The following SOX5 variants were observed in gnomAD, a reference collection of about 807,000 sequenced individuals.
SOX5 encodes the protein transcription factor SOX-5.
SOX5 carries 9 observed loss-of-function variants against 92.0 expected under a neutral mutation model. The observed-to-expected ratio is 0.10, with a 90% CI of 0.06 to 0.17. The LOEUF (loss-of-function observed/expected upper bound fraction) is 0.17, where lower values mean the gene tolerates loss of function less well. SOX5 is among the 10% of genes least tolerant of loss of function. SOX5 has a pLI of 1.00. For synonymous variants in SOX5, 344 were observed against 336.3 expected, an observed-to-expected ratio of 1.02 and a Z score of -0.25; for missense variants, 642 against 944.5, an observed-to-expected ratio of 0.68 and a Z score of 4.20.
intron 8 of SOX5, among the ~76,000 whole-genome samples, chr12:23,606,437 T>G: frequency 6.6e-6 from 1 of 151,758 alleles, no homozygotes; most frequent in South Asian, 2.1e-4. Context: ...ATGAAATTAT[T>G]TTATAATTAC....
chr12:23,799,124 G>T (rs911103383), intron 3 of SOX5, among the ~76,000 whole-genome samples: 8 of 151,818 alleles, frequency 5.3e-5, no homozygotes, highest in Non-Finnish European at 1.2e-4. Flanking sequence ...AGAAAATAAG[G>T]GAGTATTTTG....
At chr12:24,417,726 T>A (rs575517089) in intron 1 of SOX5, among the ~76,000 whole-genome samples, 1 of 152,280 alleles carries the variant, frequency 6.6e-6, no homozygotes, top group Non-Finnish European at 1.5e-5. Context: ...AGGAATAATC[T>A]GGAAGCCTGG....
At chr12:24,315,406 A>T (rs1823900400) in intron 2 of SOX5, among the ~76,000 whole-genome samples, 1 of 152,202 alleles carries the variant, frequency 6.6e-6, no homozygotes, top group Non-Finnish European at 1.5e-5. Context: ...GAGATTAAAA[A>T]ACAAAAAGGG....
chr12:24,530,019 CAAAAAAAA>C (rs34105691), intron 1 of SOX5, among the ~76,000 whole-genome samples: 2 of 72,986 alleles, frequency 2.7e-5, no homozygotes, highest in Non-Finnish European at 5.2e-5. Context: ...GACTCCGTCT[CAAAAAAAA>C]AAAAAAAAAA....
intron 6 of SOX5, among the ~76,000 whole-genome samples, chr12:23,679,238 G>C (rs994389781): frequency 2.0e-5 from 3 of 152,024 alleles, no homozygotes; most frequent in Non-Finnish European, 4.4e-5. Flanking sequence ...TGATGCCTTG[G>C]GTCCCTCCAA....
intron 4 of SOX5, among the ~76,000 whole-genome samples, chr12:24,031,325 G>T (rs1321131746): frequency 6.6e-6 from 1 of 151,490 alleles, no homozygotes; most frequent in African/African-American, 2.4e-5. Flanking sequence ...GTAGATGAAT[G>T]GATAAAGAAA....
At chr12:23,609,695 CTTCT>C (rs149593501) in intron 8 of SOX5, among the ~76,000 whole-genome samples, 24,247 of 151,950 alleles carry the variant, frequency 0.16, 2,225 homozygotes, top group African/African-American at 0.24. Flanking sequence ...TCTTTCTTTC[CTTCT>C]TGACAAAGGA....
chr12:23,788,045 A>G (rs1381526157), intron 3 of SOX5, among the ~76,000 whole-genome samples: 1 of 151,732 alleles, frequency 6.6e-6, no homozygotes, highest in African/African-American at 2.4e-5. Context: ...TAGATATAAC[A>G]AAAAGACTAA....
intron 2 of SOX5, among the ~76,000 whole-genome samples, chr12:24,281,403 A>T (rs1945183473): frequency 6.6e-6 from 1 of 152,092 alleles, no homozygotes. Flanking sequence ...GTCCCTCAAC[A>T]CAGAATAAAT....
chr12:24,174,684 G>A (rs1283140484), intron 4 of SOX5, among the ~76,000 whole-genome samples: 1 of 152,124 alleles, frequency 6.6e-6, no homozygotes, highest in Non-Finnish European at 1.5e-5. Flanking sequence ...AGCCAGGTGT[G>A]GTGGCTGGTG....
At chr12:24,230,115 G>A (rs1196380231) in intron 3 of SOX5, among the ~76,000 whole-genome samples, 1 of 152,082 alleles carries the variant, frequency 6.6e-6, no homozygotes, top group East Asian at 1.9e-4. Flanking sequence ...CCTCCCAATA[G>A]GCCTCCCATG....
At chr12:24,450,469 ATTTT>A (rs1942113959) in intron 1 of SOX5, among the ~76,000 whole-genome samples, 1 of 133,676 alleles carries the variant, frequency 7.5e-6, no homozygotes. Flanking sequence ...GTGTGTATTT[ATTTT>A]ATTTATTTAT....
chr12:23,556,833 A>G (rs1173772560), intron 11 of SOX5, among the ~76,000 whole-genome samples: 1 of 152,204 alleles, frequency 6.6e-6, no homozygotes, highest in Non-Finnish European at 1.5e-5. Flanking sequence ...TAAGGGAAGG[A>G]GCATGTGTTA....
chr12:23,951,161 G>C (rs539140271), upstream of SOX5: 56 of 416,402 alleles, frequency 1.3e-4, no homozygotes. Flanking sequence ...AGAATTCCAC[G>C]AGGAAATTCC....
At chr12:23,615,948 C>G (rs575910553) in intron 8 of SOX5, among the ~76,000 whole-genome samples, 2 of 152,112 alleles carry the variant, frequency 1.3e-5, no homozygotes, top group African/African-American at 4.8e-5. Flanking sequence ...TAATAATAAA[C>G]ACCATAATGG....
chr12:23,942,136 CT>C (rs1232087680), intron 1 of SOX5, among the ~76,000 whole-genome samples: 2 of 151,746 alleles, frequency 1.3e-5, no homozygotes, highest in Admixed American at 1.3e-4. Context: ...TTAACTGTGA[CT>C]GAAAAATTAA....
chr12:24,154,513 G>A (rs1951971113), intron 4 of SOX5, among the ~76,000 whole-genome samples: 1 of 152,024 alleles, frequency 6.6e-6, no homozygotes, highest in Non-Finnish European at 1.5e-5. Context: ...TTTTAAAAGG[G>A]TAAAAGAGAA....
At chr12:23,865,268 C>A (rs959727057) in intron 2 of SOX5, among the ~76,000 whole-genome samples, 2 of 152,218 alleles carry the variant, frequency 1.3e-5, no homozygotes, top group Non-Finnish European at 2.9e-5. Context: ...CCCAGAAGCT[C>A]TGCTGGATAT....
intron 1 of SOX5, among the ~76,000 whole-genome samples, chr12:24,524,433 C>CT (rs1950529758): frequency 6.6e-6 from 1 of 151,974 alleles, no homozygotes; most frequent in Non-Finnish European, 1.5e-5. Context: ...TTCTGTCTCT[C>CT]TGGAGAACCC....
Sources: gnomAD v4.1 joint callset for allele counts (sites outside exome capture counted in the v4.1 genomes callset) on GRCh38, gnomAD v4.1.1 for gene constraint, MANE v1.5 for transcripts, NCBI Gene and HGNC (gene_info 2026-07-23, HGNC 2026-07-21) for gene names.